Variants in TNKS observed in about 807,000 individuals in gnomAD.
TNKS encodes tankyrase, also known as poly [ADP-ribose] polymerase tankyrase-1.
A neutral mutation model predicts 135.8 loss-of-function variants in TNKS; 72 were observed. The observed-to-expected ratio is 0.53, with a 90% CI of 0.44 to 0.64. TNKS has a LOEUF of 0.64. Ranked by LOEUF, TNKS falls within the 30% of genes least tolerant of loss-of-function variation. The pLI, the probability that TNKS is intolerant of heterozygous loss-of-function variation, is 0.00. For missense variants in TNKS, 1,769 were observed against 1,674.0 expected (o/e 1.06, Z -0.99); for synonymous variants, 849 against 649.3 (o/e 1.31, Z -4.68).
In TNKS at chr8:9,720,496, C is replaced by G. The variant is rs201559821; in HGVS notation, c.1872C>G (p.Gly624=). ...ACCCCTCCATCATCTCCTTACAAGG[C>G]TTCACAGCAGCACAGATGGGCAATG... ...GSDPSIISLQ[G]FTAAQMGNEA... Residue 624 remains glycine, a synonymous_variant, in exon 12 of 27, where the codon GGC becomes GGG. Coordinates refer to ENST00000310430, the MANE Select transcript of TNKS (RefSeq NM_003747.3). 1 of 1,614,144 alleles carries G rather than the reference C, an allele frequency of 6.2e-7. No individual in the cohort carries two copies. Among genetic ancestry groups the G allele is most frequent in the Non-Finnish European group, 8.5e-7 (1 of 1,180,012 alleles).
intron 2 of TNKS, among the ~76,000 whole-genome samples, chr8:9,611,046 G>A (rs1489772653): frequency 6.6e-6 from 1 of 152,206 alleles, no homozygotes; most frequent in Non-Finnish European, 1.5e-5. Flanking sequence ...CCAGAAATGG[G>A]AAAATCGTGT....
chr8:9,625,272 G>A (rs1243520428), intron 3 of TNKS, among the ~76,000 whole-genome samples: 2 of 151,464 alleles, frequency 1.3e-5, no homozygotes, highest in Non-Finnish European at 2.9e-5. Context: ...TAATAATCCC[G>A]TTTCATTCCT....
At chr8:9,669,316 G>A (rs995396050) in intron 3 of TNKS, among the ~76,000 whole-genome samples, 18 of 151,466 alleles carry the variant, frequency 1.2e-4, no homozygotes, top group Admixed American at 6.6e-5. Context: ...TACTCGGGAG[G>A]CTGAGGCAGG....
intron 26 of TNKS, among the ~76,000 whole-genome samples, chr8:9,775,435 C>T (rs1311011239): frequency 1.6e-5 from 2 of 124,338 alleles, no homozygotes; most frequent in African/African-American, 2.9e-5. Context: ...ACTGGAATTA[C>T]GGAAAAGAAT....
chr8:9,626,268 T>C (rs1800049661), intron 3 of TNKS, among the ~76,000 whole-genome samples: 2 of 152,238 alleles, frequency 1.3e-5, no homozygotes, highest in Admixed American at 1.3e-4. Context: ...ATTCTTTTAC[T>C]TTCAACCTGC....
intron 3 of TNKS, among the ~76,000 whole-genome samples, chr8:9,678,035 C>G (rs1444754865): frequency 3.3e-5 from 5 of 152,150 alleles, no homozygotes; most frequent in African/African-American, 9.7e-5. Flanking sequence ...GGTAAGCTCT[C>G]TAACATTTCA....
rs1806537630 is a variant in TNKS, at chr8:9,751,640, C to T, written c.2864C>T (p.Ala955Val). 11 of 1,614,062 alleles carry T rather than the reference C, an allele frequency of 6.8e-6. No individual in the cohort carries two copies. Among genetic ancestry groups the T allele is most frequent in the East Asian group, 4.5e-5 (2 of 44,878 alleles). Residue 955 changes from alanine to valine, a missense_variant, in exon 19 of 27, where the codon GCC becomes GTC. Around this residue, in one of 5 missense-constraint regions of TNKS, gnomAD observed 722 missense variants for 688.9 expected, o/e 1.05. Coordinates refer to ENST00000310430, the MANE Select transcript of TNKS (RefSeq NM_003747.3). ...GATATCAGAGCTTTGCTGATAGATG[C>T]CATGCCCCCAGAGGCCTTACCTACC... ...ADDIRALLIDAMPPEALPTCF... is the reference protein window; with the variant it reads ...ADDIRALLIDVMPPEALPTCF...
chr8:9,697,354 A>G (rs979175838), intron 5 of TNKS, among the ~76,000 whole-genome samples: 2 of 152,162 alleles, frequency 1.3e-5, no homozygotes, highest in Admixed American at 6.5e-5. Flanking sequence ...AATTCTAGAG[A>G]AAAACCTAGG....
intron 2 of TNKS, among the ~76,000 whole-genome samples, chr8:9,607,817 C>T (rs1799289015): frequency 6.6e-6 from 1 of 152,198 alleles, no homozygotes; most frequent in South Asian, 2.1e-4. Flanking sequence ...TAATAAAATG[C>T]AGTAATTTTA....
chr8:9,701,359 G>C (rs1198601585), intron 5 of TNKS, among the ~76,000 whole-genome samples: 4 of 152,312 alleles, frequency 2.6e-5, no homozygotes, highest in Admixed American at 6.5e-5. Context: ...TTGTGTAAAA[G>C]ATAATACGAA....
chr8:9,772,127 T>C (rs1249222554), intron 26 of TNKS, among the ~76,000 whole-genome samples: 1 of 148,350 alleles, frequency 6.7e-6, no homozygotes, highest in African/African-American at 2.5e-5. Flanking sequence ...GAGGGAGGGA[T>C]GACATGGGAC....
intron 25 of TNKS, among the ~76,000 whole-genome samples, chr8:9,766,822 A>C (rs1431028819): frequency 6.6e-6 from 1 of 152,142 alleles, no homozygotes; most frequent in Non-Finnish European, 1.5e-5. Flanking sequence ...GTCACAGATT[A>C]TCCTCAGTCT....
intron 2 of TNKS, among the ~76,000 whole-genome samples, chr8:9,604,264 A>G (rs1278513617): frequency 1.3e-5 from 2 of 152,072 alleles, no homozygotes; most frequent in Admixed American, 1.3e-4. Context: ...CCTTTTGTAC[A>G]TATACTACTG....
intron 3 of TNKS, among the ~76,000 whole-genome samples, chr8:9,671,398 C>A (rs1041516662): frequency 6.6e-6 from 1 of 152,072 alleles, no homozygotes; most frequent in East Asian, 1.9e-4. Flanking sequence ...TGAGATACAT[C>A]CATATAATGG....
chr8:9,692,117 T>A (rs1326537958), intron 5 of TNKS, among the ~76,000 whole-genome samples: 2 of 152,152 alleles, frequency 1.3e-5, no homozygotes, highest in Non-Finnish European at 2.9e-5. Flanking sequence ...TTGGGTAAAT[T>A]GTGCGTTACT....
chr8:9,693,173 C>T (rs987097601), intron 5 of TNKS, among the ~76,000 whole-genome samples: 2 of 152,054 alleles, frequency 1.3e-5, no homozygotes, highest in African/African-American at 4.8e-5. Flanking sequence ...TTTGATAAGA[C>T]AGAGCAAAAG....
At chr8:9,761,037 A>G (rs1352389261) in intron 20 of TNKS, among the ~76,000 whole-genome samples, 3 of 152,188 alleles carry the variant, frequency 2.0e-5, no homozygotes, top group African/African-American at 7.2e-5. Context: ...CTTAGCACTG[A>G]GAAGTTCTTC....
rs555321555 is a variant in TNKS, at chr8:9,614,095, C to T, written c.899-1487C>T. Among the ~76,000 whole-genome samples, 102 of 152,244 alleles carry T rather than the reference C, an allele frequency of 6.7e-4. 3 individuals carry two copies. In the South Asian group the frequency reaches 0.021, roughly 31 times the overall value. On this transcript the variant is annotated intron_variant, in intron 2 of 26. Coordinates refer to ENST00000310430, the MANE Select transcript of TNKS (RefSeq NM_003747.3). ...ATCAGCTTGCATTTGATACTTGAGTCTGCTTTATGATAAAGACCTTTTATA... is the reference window on the plus strand; with the variant it reads ...ATCAGCTTGCATTTGATACTTGAGTTTGCTTTATGATAAAGACCTTTTATA...
intron 3 of TNKS, among the ~76,000 whole-genome samples, chr8:9,672,877 T>A (rs774686260): frequency 3.4e-4 from 52 of 152,088 alleles, no homozygotes; most frequent in Non-Finnish European, 6.5e-4. Flanking sequence ...TCCGTCTTCC[T>A]TTCCTCCTTT....
Sources: allele counts gnomAD v4.1 joint callset (sites outside exome capture counted in the v4.1 genomes callset), GRCh38; gene constraint gnomAD v4.1.1; regional missense constraint gnomAD v4.1.1; transcripts MANE v1.5; gene names NCBI Gene and HGNC (gene_info 2026-07-23, HGNC 2026-07-21).